SCP2: variants seen among roughly 807,000 people sequenced by gnomAD.
The protein encoded by SCP2 is SCP-2/3-oxoacyl-CoA thiolase.
In SCP2, 48 loss-of-function variants were observed where a neutral mutation model predicts 71.4. The ratio of observed to expected loss-of-function variants is 0.67; its 90% CI spans 0.53 to 0.86. The LOEUF is 0.86. SCP2 is among the 40% of genes least tolerant of loss of function. SCP2 has a pLI of 0.00. For missense variants in SCP2, 560 were observed against 655.6 expected, an observed-to-expected ratio of 0.85 and a Z score of 1.59; for synonymous variants, 220 against 218.1, an observed-to-expected ratio of 1.01 and a Z score of -0.08.
intron 11 of SCP2, chr1:52,994,629 T>C (rs556157695): frequency 1.2e-4 from 52 of 445,576 alleles, no homozygotes; most frequent in Middle Eastern, 7.4e-4. Flanking sequence ...GTGCATTCCA[T>C]CCTTTCAGCC....
intron 11 of SCP2, among the ~76,000 whole-genome samples, chr1:53,001,515 G>A (rs1660315079): frequency 6.6e-6 from 1 of 152,136 alleles, no homozygotes; most frequent in African/African-American, 2.4e-5. Context: ...TCATGTACAA[G>A]TGCATTCAAT....
intron 4 of SCP2, among the ~76,000 whole-genome samples, chr1:52,951,536 C>T (rs1414786827): frequency 7.4e-6 from 1 of 134,694 alleles, no homozygotes; most frequent in East Asian, 2.1e-4. Flanking sequence ...TAGCCTGGGC[C>T]ACACAGTGAG....
intron 5 of SCP2, among the ~76,000 whole-genome samples, chr1:52,956,796 T>C (rs1655837096): frequency 6.6e-6 from 1 of 152,170 alleles, no homozygotes; most frequent in South Asian, 2.1e-4. Context: ...GTACATATGC[T>C]GGTAACTTTT....
At chr1:53,013,285 T>TA (rs1449494398) in intron 11 of SCP2, among the ~76,000 whole-genome samples, 2 of 151,544 alleles carry the variant, frequency 1.3e-5, no homozygotes. Flanking sequence ...CTGGCTGATT[T>TA]AAAAAAATTT....
At chr1:53,032,172 G>A (rs1662595166) in intron 13 of SCP2, among the ~76,000 whole-genome samples, 2 of 152,230 alleles carry the variant, frequency 1.3e-5, no homozygotes, top group East Asian at 1.9e-4. Context: ...TGCTGTCATC[G>A]GCTAAAGTTT....
At chr1:53,018,468 G>A (rs957275422) in intron 12 of SCP2, among the ~76,000 whole-genome samples, 6 of 152,236 alleles carry the variant, frequency 3.9e-5, no homozygotes, top group South Asian at 4.1e-4. Context: ...AGGGTTGGGC[G>A]TGGTATCTCA....
chr1:52,946,419 G>GA (rs1654802156), intron 2 of SCP2, among the ~76,000 whole-genome samples: 1 of 149,920 alleles, frequency 6.7e-6, no homozygotes, highest in African/African-American at 2.5e-5. Flanking sequence ...TAGAGATGGG[G>GA]TCCCAGGCTG....
chr1:52,928,455 T>G lies in SCP2; in HGVS notation c.69+990T>G, dbSNP rs184971442. On this transcript the variant is annotated intron_variant, in intron 1 of 15. Transcript: ENST00000371514. Reference sequence around the variant, plus strand: ...AACAGCCCTAAAATGTTTATTATTTTACCAGTGGGCTGAGCGTACCTAATT... The same window carrying G: ...AACAGCCCTAAAATGTTTATTATTTGACCAGTGGGCTGAGCGTACCTAATT... Among the ~76,000 whole-genome samples, 263 of 152,366 alleles carry G rather than the reference T, an allele frequency of 1.7e-3. 2 individuals carry two copies. The highest frequency in any genetic ancestry group is 3.4e-3 in the Middle Eastern group (1 of 294).
intron 11 of SCP2, among the ~76,000 whole-genome samples, chr1:52,999,398 A>T (rs538527901): frequency 3.2e-4 from 49 of 152,328 alleles, no homozygotes; most frequent in Admixed American, 7.8e-4. Flanking sequence ...AAGACTAGTG[A>T]TGAGGGTGTA....
intron 6 of SCP2, among the ~76,000 whole-genome samples, chr1:52,966,888 G>A (rs1030129491): frequency 3.4e-5 from 5 of 145,236 alleles, no homozygotes; most frequent in African/African-American, 5.1e-5. Flanking sequence ...ACAAGACTCC[G>A]TCTTAAAAAG....
intron 1 of SCP2, among the ~76,000 whole-genome samples, chr1:52,940,588 C>A (rs1032654933): frequency 1.3e-5 from 2 of 152,114 alleles, no homozygotes; most frequent in East Asian, 3.9e-4. Context: ...GTTTTCTTAT[C>A]TGTAATGCAC....
chr1:53,013,446 A>AAAAAAAAAT (rs1254410578), intron 11 of SCP2, among the ~76,000 whole-genome samples: 1 of 109,940 alleles, frequency 9.1e-6, no homozygotes, highest in Non-Finnish European at 1.7e-5. Flanking sequence ...AAAAAAAAAA[A>AAAAAAAAAT]TAGCTGGGAG....
chr1:52,993,548 C>A, intron 11 of SCP2: 2 of 1,612,264 alleles, frequency 1.2e-6, no homozygotes, highest in Non-Finnish European at 8.5e-7. Flanking sequence ...CAACAGGAAG[C>A]CCTCGCCAGT....
At chr1:52,951,311 G>C (rs1241738810) in intron 4 of SCP2, among the ~76,000 whole-genome samples, 1 of 151,606 alleles carries the variant, frequency 6.6e-6, no homozygotes, top group Non-Finnish European at 1.5e-5. Flanking sequence ...CAAAAAAAAG[G>C]CTTTATCAGC....
intron 11 of SCP2, among the ~76,000 whole-genome samples, chr1:53,000,680 A>G (rs1183518649): frequency 3.3e-5 from 5 of 152,062 alleles, no homozygotes; most frequent in Non-Finnish European, 7.4e-5. Flanking sequence ...TTCTTGCCTG[A>G]GTGTGGTGGC....
At chr1:52,930,519 G>A (rs540781288) in intron 1 of SCP2, among the ~76,000 whole-genome samples, 1 of 151,950 alleles carries the variant, frequency 6.6e-6, no homozygotes, top group Non-Finnish European at 1.5e-5. Context: ...CCAACCACTC[G>A]GGAGGCTTAT....
At chr1:52,981,248 T>A (rs1236181020) in intron 10 of SCP2, among the ~76,000 whole-genome samples, 1 of 152,176 alleles carries the variant, frequency 6.6e-6, no homozygotes, top group Non-Finnish European at 1.5e-5. Context: ...ATGTATTTTT[T>A]AAAATCTACT....
intron 15 of SCP2, chr1:53,049,465 G>C (rs1664061253): frequency 6.6e-6 from 1 of 152,224 alleles, no homozygotes; most frequent in Non-Finnish European, 1.5e-5. Context: ...GGCTCCAGCA[G>C]CAAGCGTACA....
In SCP2 at chr1:53,051,436, C is replaced by T. The variant is rs533064684; in HGVS notation, c.*732C>T. On this transcript the variant is annotated 3_prime_UTR_variant, in exon 16 of 16. Coordinates refer to ENST00000371514, the MANE Select transcript of SCP2 (RefSeq NM_002979.5). ...ATTATAATCTCATTTCAATTTATAA[C>T]GTTCTCAGTCCTTTGTTATAATTTT... The T allele has an allele frequency of 2.0e-5, 3 of 152,200 alleles. No individual in the cohort carries two copies. Among genetic ancestry groups the T allele is most frequent in the South Asian group, 2.1e-4 (1 of 4,824 alleles). The allele number at this position is 152,200 out of a possible 1,614,324, so 9.4% of individuals were successfully genotyped here. A position where few individuals can be genotyped will look rare whatever the true frequency, so the allele number is the denominator to read the frequency against.
Sources: allele counts gnomAD v4.1 joint callset (sites outside exome capture counted in the v4.1 genomes callset), GRCh38; gene constraint gnomAD v4.1.1; transcripts MANE v1.5; gene names NCBI Gene and HGNC (gene_info 2026-07-23, HGNC 2026-07-21).